The following TSNARE1 variants were observed in gnomAD, a reference collection of about 807,000 sequenced individuals.
TSNARE1 encodes t-SNARE domain containing 1, also known as t-SNARE domain-containing protein 1.
Under a neutral mutation model 62.0 loss-of-function variants are expected in TSNARE1, and 49 were observed. The observed-to-expected ratio is 0.79, with a 90% CI of 0.63 to 1.00. The LOEUF (loss-of-function observed/expected upper bound fraction) is 1.00, where lower values mean the gene tolerates loss of function less well. Ranked by LOEUF, TSNARE1 falls within the 50% of genes least tolerant of loss-of-function variation. The pLI is 0.00. For missense variants in TSNARE1, 755 were observed against 700.1 expected, an observed-to-expected ratio of 1.08 and a Z score of -0.88; for synonymous variants, 328 against 294.4, an observed-to-expected ratio of 1.11 and a Z score of -1.17.
At chr8:142,335,025 C>T (rs1831555970) in intron 4 of TSNARE1, among the ~76,000 whole-genome samples, 1 of 152,184 alleles carries the variant, frequency 6.6e-6, no homozygotes, top group Non-Finnish European at 1.5e-5. Context: ...AAAAAAGATA[C>T]GTTCATTTAT....
intron 13 of TSNARE1, among the ~76,000 whole-genome samples, chr8:142,223,949 G>T (rs1216877401): frequency 6.6e-6 from 1 of 151,888 alleles, no homozygotes; most frequent in African/African-American, 2.4e-5. Flanking sequence ...ACCCAGGGGA[G>T]GGCTTTCTGC....
At chr8:142,223,300 A>ACTCATTCT in intron 13 of TSNARE1, among the ~76,000 whole-genome samples, 1 of 46,000 alleles carries the variant, frequency 2.2e-5, no homozygotes, top group Admixed American at 2.3e-4. Flanking sequence ...TCACTCAACC[A>ACTCATTCT]CTCACTCATT....
chr8:142,277,518 C>G, intron 11 of TSNARE1: 1 of 985,480 alleles, frequency 1.0e-6, no homozygotes, highest in Non-Finnish European at 1.2e-6. Context: ...CTCGGGGCAA[C>G]TGGGCCTGCA....
intron 4 of TSNARE1, among the ~76,000 whole-genome samples, chr8:142,332,597 T>C (rs879697152): frequency 1.3e-5 from 2 of 152,186 alleles, no homozygotes; most frequent in Non-Finnish European, 2.9e-5. Flanking sequence ...CAGAACACTA[T>C]GAGGACAGCA....
intron 12 of TSNARE1, among the ~76,000 whole-genome samples, chr8:142,245,625 A>C (rs1817852997): frequency 6.6e-6 from 1 of 152,238 alleles, no homozygotes; most frequent in Non-Finnish European, 1.5e-5. Context: ...CAAACAATAC[A>C]TTGTTTAGTA....
chr8:142,363,262 T>C (rs1449763452), intron 1 of TSNARE1, among the ~76,000 whole-genome samples: 1 of 152,148 alleles, frequency 6.6e-6, no homozygotes, highest in Non-Finnish European at 1.5e-5. Context: ...CTGGATCCTG[T>C]TTCCTGGTTC....
At chr8:142,365,407 A>ACAACT (rs1835459948) in intron 1 of TSNARE1, among the ~76,000 whole-genome samples, 1 of 152,262 alleles carries the variant, frequency 6.6e-6, no homozygotes, top group Non-Finnish European at 1.5e-5. Flanking sequence ...TAAAAAGAAC[A>ACAACT]CAACTCAAAA....
At chr8:142,405,265 T>C (rs1474543472), upstream of TSNARE1, 1 of 152,170 alleles carries the variant, frequency 6.6e-6, no homozygotes, top group East Asian at 1.9e-4. Context: ...CCTTCCCTCA[T>C]CTCTGCCCCT....
chr8:142,270,516 A>T, intron 12 of TSNARE1: 1 of 927,196 alleles, frequency 1.1e-6, no homozygotes, highest in South Asian at 5.1e-5. Context: ...ATGTATTTAT[A>T]ACAGAAAATT....
At chr8:142,344,780 G>C (rs545888719) in intron 3 of TSNARE1, among the ~76,000 whole-genome samples, 2 of 152,240 alleles carry the variant, frequency 1.3e-5, no homozygotes, top group African/African-American at 4.8e-5. Flanking sequence ...AGCCGAGCAG[G>C]CTAGGTTGCG....
intron 13 of TSNARE1, among the ~76,000 whole-genome samples, chr8:142,217,737 T>C (rs973106217): frequency 6.6e-6 from 1 of 152,094 alleles, no homozygotes; most frequent in Non-Finnish European, 1.5e-5. Context: ...GTAACTAGAA[T>C]TAGGGTCAGT....
chr8:142,287,447 T>A (rs1352607180), intron 10 of TSNARE1, among the ~76,000 whole-genome samples: 4 of 47,344 alleles, frequency 8.4e-5, no homozygotes, highest in Admixed American at 2.4e-4. Flanking sequence ...GCCCTCCAGG[T>A]CGTGGAACCC....
chr8:142,298,401 C>T (rs1244122208), intron 10 of TSNARE1, among the ~76,000 whole-genome samples: 1 of 152,174 alleles, frequency 6.6e-6, no homozygotes, highest in Non-Finnish European at 1.5e-5. Context: ...GAACCCCATC[C>T]TGGGGTGGCT....
Position 142,311,549 on chromosome 8 carries a change from G to A in TSNARE1, c.1131+2835C>T, listed in dbSNP as rs58781596. On this transcript the variant is annotated intron_variant, in intron 9 of 13. Coordinates refer to ENST00000524325, the MANE Select transcript of TSNARE1 (RefSeq NM_145003.5). ...CAACCTCAGGTGATCCACCCACCTC[G>A]GCCTCCCAAAGTGCTGGGATACAAG... is the stretch of plus-strand genomic sequence containing the variant. 3.0e-3 allele frequency among the ~76,000 whole-genome samples: 449 copies of A among 152,060 alleles called. 3 individuals carry two copies. Among genetic ancestry groups the A allele is most frequent in the African/African-American group, 0.01 (416 of 41,456 alleles).
At chr8:142,219,793 G>A (rs935086984) in intron 13 of TSNARE1, among the ~76,000 whole-genome samples, 2 of 152,178 alleles carry the variant, frequency 1.3e-5, no homozygotes, top group Non-Finnish European at 2.9e-5. Context: ...GGCCTCAGCC[G>A]TCCTTCTGGC....
intron 13 of TSNARE1, among the ~76,000 whole-genome samples, chr8:142,225,291 T>G (rs1816722178): frequency 6.6e-6 from 1 of 152,092 alleles, no homozygotes; most frequent in South Asian, 2.1e-4. Flanking sequence ...CTGGTCTGGC[T>G]TCTGCTGCTG....
At chr8:142,397,001 C>T (rs1288806098) in intron 1 of TSNARE1, among the ~76,000 whole-genome samples, 4 of 151,304 alleles carry the variant, frequency 2.6e-5, no homozygotes, top group Non-Finnish European at 4.4e-5. Context: ...CTCCACCTGC[C>T]CTGGGGCTGC....
intron 10 of TSNARE1, among the ~76,000 whole-genome samples, chr8:142,297,125 C>T (rs772947015): frequency 4.4e-4 from 67 of 152,320 alleles, no homozygotes; most frequent in Admixed American, 9.8e-4. Context: ...AACCAGTGAG[C>T]GGACACGGGC....
intron 1 of TSNARE1, among the ~76,000 whole-genome samples, chr8:142,383,404 G>A (rs1212442603): frequency 6.7e-6 from 1 of 150,200 alleles, no homozygotes; most frequent in Non-Finnish European, 1.5e-5. Context: ...ATCCTCTGTG[G>A]GAGGCCCCAA....
Sources: allele counts gnomAD v4.1 joint callset (sites outside exome capture counted in the v4.1 genomes callset), GRCh38; gene constraint gnomAD v4.1.1; transcripts MANE v1.5; gene names NCBI Gene and HGNC (gene_info 2026-07-23, HGNC 2026-07-21).